The following FYB2 variants were observed in gnomAD, a reference collection of about 807,000 sequenced individuals.
FYB2 encodes FYN-binding protein 2.
A neutral mutation model predicts 94.1 loss-of-function variants in FYB2; 103 were observed. That is an observed-to-expected ratio of 1.09 (90% CI 0.93 to 1.29). The LOEUF is 1.29. Ranked by LOEUF, FYB2 falls within the 50% of genes most tolerant of loss-of-function variation. The probability of loss-of-function intolerance (pLI) is 0.00; values close to 1 mark genes in which losing one functional copy is unlikely to be tolerated. For synonymous variants in FYB2, 293 were observed against 287.9 expected, an observed-to-expected ratio of 1.02 and a Z score of -0.18; for missense variants, 896 against 841.5, an observed-to-expected ratio of 1.06 and a Z score of -0.80.
chr1:56,724,499 A>G (rs893129739), intron 16 of FYB2, among the ~76,000 whole-genome samples: 4 of 151,974 alleles, frequency 2.6e-5, no homozygotes, highest in African/African-American at 9.7e-5. Context: ...CCACTGCCAT[A>G]TTTCAGATTA....
At chr1:56,750,302 G>GT (rs759135678) in intron 9 of FYB2, among the ~76,000 whole-genome samples, 2 of 152,028 alleles carry the variant, frequency 1.3e-5, no homozygotes, top group African/African-American at 4.8e-5. Context: ...GCACATGAAA[G>GT]TAAGTACATT....
chr1:56,764,083 T>C (rs898849563), intron 5 of FYB2, among the ~76,000 whole-genome samples: 1 of 151,904 alleles, frequency 6.6e-6, no homozygotes, highest in Non-Finnish European at 1.5e-5. Context: ...CCCAAGTAGC[T>C]AGAATTACAG....
rs571476765 is a variant in FYB2, at chr1:56,799,929, T to C, written c.10-7126A>G. ...GTGAGTGAATGCGGTCATAAAAATA[T>C]ATATAAAGTAAGTTCCAAAAGGAGA... is the stretch of plus-strand genomic sequence containing the variant. On this transcript the variant is annotated intron_variant, in intron 1 of 19. Transcript: ENST00000343433. 3.3e-5 allele frequency among the ~76,000 whole-genome samples: 5 copies of C among 152,322 alleles called. No individual in the cohort carries two copies. In the South Asian group the frequency reaches 1.0e-3, roughly 32 times the overall value.
At position 56,792,123 on chromosome 1, in the gene FYB2, A is replaced by G; in HGVS notation, c.690T>C (p.Pro230=). The G allele has an allele frequency of 6.2e-7, 1 of 1,613,496 alleles. No homozygotes were observed. The highest frequency in any genetic ancestry group is 1.3e-5 in the African/African-American group (1 of 74,976). Residue 230 remains proline (P), a synonymous_variant, in exon 2 of 20, where the codon CCT becomes CCC. Transcript: ENST00000343433. ...HIRKSWENPP[P]ERSPASSPCQ... is the part of the protein sequence containing the mutation. ...AGGGGCTGCTTGCCGGGCTCCTCTC[A>G]GGAGGTGGGTTTTCCCAGCTTTTTC...
At chr1:56,823,030 T>A (rs1254320919), upstream of FYB2, among the ~76,000 whole-genome samples, 1 of 152,162 alleles carries the variant, frequency 6.6e-6, no homozygotes, top group African/African-American at 2.4e-5. Flanking sequence ...GAAGGAAAGA[T>A]GAAAGAAGTG....
chr1:56,815,973 G>T (rs1434252149), intron 1 of FYB2, among the ~76,000 whole-genome samples: 4 of 152,062 alleles, frequency 2.6e-5, no homozygotes, highest in Non-Finnish European at 5.9e-5. Flanking sequence ...AACCTTTTTG[G>T]GTGTCTAAAC....
rs576946216 is a variant in FYB2 at position 56,748,858 on chromosome 1, G to A, written c.1387+2186C>T. Among the ~76,000 whole-genome samples the A allele has an allele frequency of 2.4e-4, 36 of 152,024 alleles. No individual in the cohort carries two copies. In the South Asian group the frequency reaches 5.4e-3, roughly 23 times the overall value. On this transcript the variant is annotated intron_variant, in intron 9 of 19. Coordinates refer to ENST00000343433, the MANE Select transcript of FYB2 (RefSeq NM_001004303.5). Reference sequence around the variant, plus strand: ...TATCTTCCTTCTGCCTGAAGTACATGCTTTAGAATTTCCTTCAGTGCATTT... The same window carrying A: ...TATCTTCCTTCTGCCTGAAGTACATACTTTAGAATTTCCTTCAGTGCATTT...
At chr1:56,723,520 A>ATTTTTT in intron 17 of FYB2, 68 bp downstream of exon 17, 1 of 838,840 alleles carries the variant, frequency 1.2e-6, no homozygotes, top group Non-Finnish European at 1.8e-6. Flanking sequence ...ATACTTACAG[A>ATTTTTT]TTTTTTTTTT....
chr1:56,762,340 T>C lies in FYB2; in HGVS notation c.1064-3590A>G, dbSNP rs182641531. On this transcript the variant is annotated intron_variant, in intron 5 of 19. Transcript: ENST00000343433. ...TTGACATTTTTACTGTTAATTTTACTGTGTTGTGTCTTCCGATCCATAAAC... is the reference window on the plus strand; with the variant it reads ...TTGACATTTTTACTGTTAATTTTACCGTGTTGTGTCTTCCGATCCATAAAC... Among the ~76,000 whole-genome samples the C allele has an allele frequency of 6.2e-3, 949 of 152,288 alleles. 4 individuals carry two copies. The highest frequency in any genetic ancestry group is 0.022 in the African/African-American group (905 of 41,572).
chr1:56,776,000 G>A (rs1435550951), intron 4 of FYB2, among the ~76,000 whole-genome samples: 1 of 152,146 alleles, frequency 6.6e-6, no homozygotes, highest in Non-Finnish European at 1.5e-5. Flanking sequence ...TACAGTTGAG[G>A]AAACTGAGGC....
chr1:56,807,481 C>T (rs1434438055), intron 1 of FYB2, among the ~76,000 whole-genome samples: 1 of 152,196 alleles, frequency 6.6e-6, no homozygotes, highest in Non-Finnish European at 1.5e-5. Context: ...GGTTTTCTGT[C>T]TATTCAGGAC....
At chr1:56,721,937 G>A (rs531095521) in intron 17 of FYB2, among the ~76,000 whole-genome samples, 53 of 151,976 alleles carry the variant, frequency 3.5e-4, no homozygotes, top group Non-Finnish European at 6.3e-4. Flanking sequence ...GCTATACAAC[G>A]TTTTATGATT....
At position 56,780,714 on chromosome 1, in the gene FYB2, G is replaced by A. The variant is rs144234487; in HGVS notation, c.953+6461C>T. 7.9e-4 allele frequency among the ~76,000 whole-genome samples: 120 copies of A among 152,238 alleles called. 1 individual carries two copies. Among genetic ancestry groups the A allele is most frequent in the African/African-American group, 2.6e-3 (107 of 41,532 alleles). On this transcript the variant is annotated intron_variant, in intron 4 of 19. Coordinates refer to ENST00000343433, the MANE Select transcript of FYB2 (RefSeq NM_001004303.5). ...AGTGCTCAATAAATAGAAGTTATAG[G>A]TGAGATTTTTTTTTAAGGAGGAATA... is the stretch of plus-strand genomic sequence containing the variant.
At chr1:56,823,944 A>T (rs991841129), upstream of FYB2, 3 of 152,212 alleles carry the variant, frequency 2.0e-5, no homozygotes, top group Non-Finnish European at 4.4e-5. Context: ...TTCCAATGTC[A>T]ATCACTCCCA....
At chr1:56,736,107 T>C (rs970516666) in intron 15 of FYB2, among the ~76,000 whole-genome samples, 2 of 152,012 alleles carry the variant, frequency 1.3e-5, no homozygotes, top group East Asian at 1.9e-4. Flanking sequence ...AAAAATAACA[T>C]CAAATAACAA....
Position 56,819,400 on chromosome 1 carries a change from C to T in FYB2, c.-110G>A, listed in dbSNP as rs1570278097. The T allele has an allele frequency of 1.4e-6, 2 of 1,459,018 alleles. No individual in the cohort carries two copies. The highest frequency in any genetic ancestry group is 2.3e-5 in the East Asian group (1 of 43,332). The allele number at this position is 1,459,018 out of a possible 1,614,324, so 90.4% of individuals were successfully genotyped here. A position where few individuals can be genotyped will look rare whatever the true frequency, so the allele number is the denominator to read the frequency against. On this transcript the variant is annotated 5_prime_UTR_variant, in exon 1 of 20. Coordinates refer to ENST00000343433, the MANE Select transcript of FYB2 (RefSeq NM_001004303.5). The stretch of plus-strand genomic sequence containing the variant: ...TCTGCTAGCCAGGGAGCAATCACTT[C>T]CCACAGGACACACCTGAGCCCAGGC...
chr1:56,737,337 T>C (rs561927350), intron 14 of FYB2, 190 bp from the exon 15 acceptor site: 2 of 427,710 alleles, frequency 4.7e-6, no homozygotes, highest in South Asian at 5.7e-5. Flanking sequence ...TGGGAAGAAA[T>C]TCAACTGAAA....
chr1:56,812,139 C>T (rs1395067944), intron 1 of FYB2, among the ~76,000 whole-genome samples: 1 of 152,114 alleles, frequency 6.6e-6, no homozygotes, highest in Non-Finnish European at 1.5e-5. Flanking sequence ...ATAGTACTTT[C>T]AAATACATTA....
At chr1:56,804,397 C>G (rs1308732782) in intron 1 of FYB2, among the ~76,000 whole-genome samples, 1 of 152,110 alleles carries the variant, frequency 6.6e-6, no homozygotes, top group Non-Finnish European at 1.5e-5. Flanking sequence ...TCTTTGAGAA[C>G]TACAAATTAA....
Sources: allele counts gnomAD v4.1 joint callset (sites outside exome capture counted in the v4.1 genomes callset), GRCh38; gene constraint gnomAD v4.1.1; transcripts MANE v1.5; gene names NCBI Gene and HGNC (gene_info 2026-07-23, HGNC 2026-07-21).